Variants in CD80 observed in about 807,000 individuals in gnomAD.
CD80 encodes the protein T-lymphocyte activation antigen CD80.
CD80 carries 13 observed loss-of-function variants against 27.1 expected under a neutral mutation model. The ratio of observed to expected loss-of-function variants is 0.48; its 90% CI spans 0.31 to 0.76. CD80 has a LOEUF of 0.76. Ranked by LOEUF, CD80 falls within the 30% of genes least tolerant of loss-of-function variation. CD80 has a pLI of 0.04. For missense variants in CD80, 277 were observed against 347.9 expected, an observed-to-expected ratio of 0.80 and a Z score of 1.62; for synonymous variants, 125 against 125.5, an observed-to-expected ratio of 1.00 and a Z score of 0.03.
chr3:119,536,711 A>G (rs1209255101), intron 4 of CD80, among the ~76,000 whole-genome samples: 1 of 152,266 alleles, frequency 6.6e-6, no homozygotes, highest in African/African-American at 2.4e-5. Context: ...CACTATCAAA[A>G]TAAATACGAC....
intron 3 of CD80, among the ~76,000 whole-genome samples, chr3:119,538,371 A>G (rs1354045486): frequency 1.3e-5 from 2 of 151,706 alleles, no homozygotes; most frequent in Admixed American, 6.6e-5. Flanking sequence ...TTATCTATTT[A>G]TTTACTAAAC....
At chr3:119,528,676 C>A (rs1249471902) in intron 5 of CD80, among the ~76,000 whole-genome samples, 3 of 152,092 alleles carry the variant, frequency 2.0e-5, no homozygotes, top group Non-Finnish European at 4.4e-5. Context: ...GAAGTCCCAG[C>A]ACTTTGGGAA....
At chr3:119,549,672 A>T (rs1260011779) in intron 2 of CD80, among the ~76,000 whole-genome samples, 1 of 152,214 alleles carries the variant, frequency 6.6e-6, no homozygotes, top group Non-Finnish European at 1.5e-5. Context: ...GCACTGAACA[A>T]GAGAGTTTTG....
intron 4 of CD80, among the ~76,000 whole-genome samples, chr3:119,536,252 A>G (rs1050761585): frequency 2.0e-5 from 3 of 152,186 alleles, no homozygotes; most frequent in Admixed American, 1.3e-4. Context: ...CACTGTCTCA[A>G]AAAAATAAAT....
Position 119,545,872 on chromosome 3 carries a change from A to G in CD80, c.101-1005T>C, listed in dbSNP as rs145801950. On this transcript the variant is annotated intron_variant, in intron 2 of 6. Transcript: ENST00000264246. The stretch of plus-strand genomic sequence containing the variant: ...AAGACCCTGCTTTCAATTCTTATGG[A>G]TATATGGAATTTTGGGGTCATATGG... Among the ~76,000 whole-genome samples the G allele has an allele frequency of 5.9e-5, 9 of 152,184 alleles. No homozygotes were observed. In the East Asian group the frequency reaches 1.7e-3, roughly 29 times the overall value.
intron 6 of CD80, among the ~76,000 whole-genome samples, chr3:119,526,163 G>T (rs1228675438): frequency 2.6e-5 from 4 of 152,040 alleles, no homozygotes; most frequent in African/African-American, 9.7e-5. Flanking sequence ...TCTCAGGCAT[G>T]GTTGCTTTTC....
At chr3:119,541,063 G>T (rs1168700778) in intron 3 of CD80, among the ~76,000 whole-genome samples, 2 of 149,436 alleles carry the variant, frequency 1.3e-5, no homozygotes, top group African/African-American at 5.0e-5. Flanking sequence ...AAAAAAAAAA[G>T]TTTCAAAATC....
chr3:119,546,773 G>A (rs1278577851), intron 2 of CD80, among the ~76,000 whole-genome samples: 1 of 151,292 alleles, frequency 6.6e-6, no homozygotes, highest in Non-Finnish European at 1.5e-5. Flanking sequence ...TTTCCCTTGC[G>A]TTTCTCCTAC....
chr3:119,543,786 T>G (rs917799577), intron 3 of CD80, among the ~76,000 whole-genome samples: 3 of 151,958 alleles, frequency 2.0e-5, no homozygotes, highest in Non-Finnish European at 2.9e-5. Context: ...AAATATGCAA[T>G]AAGTAAATTA....
chr3:119,529,983 G>T, intron 4 of CD80, 46 bp from the exon 5 acceptor site: 3 of 1,320,866 alleles, frequency 2.3e-6, no homozygotes, highest in Non-Finnish European at 3.3e-6. Flanking sequence ...ATTTCCTACT[G>T]CCTGATACTC....
chr3:119,549,457 C>A (rs555001280), intron 2 of CD80, among the ~76,000 whole-genome samples: 1 of 152,300 alleles, frequency 6.6e-6, no homozygotes, highest in East Asian at 1.9e-4. Flanking sequence ...AAGGCCCCAG[C>A]GCCCCCTGCC....
intron 2 of CD80, among the ~76,000 whole-genome samples, chr3:119,545,745 C>A (rs530828706): frequency 6.6e-6 from 1 of 151,908 alleles, no homozygotes; most frequent in Non-Finnish European, 1.5e-5. Context: ...CACACCCCCC[C>A]CCACATTTTG....
intron 2 of CD80, among the ~76,000 whole-genome samples, chr3:119,545,929 A>G (rs1340842016): frequency 6.6e-6 from 1 of 152,254 alleles, no homozygotes; most frequent in African/African-American, 2.4e-5. Flanking sequence ...GAGGAACCTC[A>G]ATAGTGTTTT....
At chr3:119,534,808 G>A (rs1369238021) in intron 4 of CD80, among the ~76,000 whole-genome samples, 2 of 152,120 alleles carry the variant, frequency 1.3e-5, no homozygotes, top group Non-Finnish European at 2.9e-5. Context: ...GACTGAGACT[G>A]GTAAGTTTGG....
At chr3:119,533,237 C>T (rs548088776) in intron 4 of CD80, among the ~76,000 whole-genome samples, 3 of 152,168 alleles carry the variant, frequency 2.0e-5, no homozygotes, top group Admixed American at 6.5e-5. Context: ...AGGGGCAGAC[C>T]CAGAATCCAA....
At chr3:119,553,643 T>C (rs1351242633) in intron 2 of CD80, among the ~76,000 whole-genome samples, 1 of 151,994 alleles carries the variant, frequency 6.6e-6, no homozygotes, top group Non-Finnish European at 1.5e-5. Context: ...CTCGCAGGGG[T>C]CTGGGAGCTG....
chr3:119,553,576 C>T (rs1337705030), intron 2 of CD80, among the ~76,000 whole-genome samples: 1 of 152,196 alleles, frequency 6.6e-6, no homozygotes, highest in Non-Finnish European at 1.5e-5. Context: ...ATGCAGTGGC[C>T]AGTCTGCAGT....
At chr3:119,556,587 G>A (rs1329499423) in intron 2 of CD80, among the ~76,000 whole-genome samples, 1 of 152,146 alleles carries the variant, frequency 6.6e-6, no homozygotes. Context: ...ATGTAAAATA[G>A]CTCTGGACAG....
chr3:119,537,152 A>G lies in CD80; in HGVS notation c.685T>C (p.Phe229Leu), dbSNP rs1360024916. Reference sequence around the variant, plus strand: ...TGTCACTTACTTGTATTCCAGTTGAAGGTCTGATTCACTCTTAAATGTCCA... The same window carrying G: ...TGTCACTTACTTGTATTCCAGTTGAGGGTCTGATTCACTCTTAAATGTCCA... ...KYGHLRVNQT[F>L]NWNTTKQEHF... Residue 229 changes from phenylalanine (F) to leucine (L), a missense_variant, in exon 4 of 7, where the codon TTC becomes CTC. By Grantham distance (22) the Phe-to-Leu change is conservative (BLOSUM62 0). Coordinates refer to ENST00000264246, the MANE Select transcript of CD80 (RefSeq NM_005191.4). 6.2e-7 allele frequency: 1 copy of G among 1,612,550 alleles called. No homozygotes were observed. The highest frequency in any genetic ancestry group is 8.5e-7 in the Non-Finnish European group (1 of 1,178,620).
Sources: allele counts gnomAD v4.1 joint callset (sites outside exome capture counted in the v4.1 genomes callset), GRCh38; gene constraint gnomAD v4.1.1; transcripts MANE v1.5; gene names NCBI Gene and HGNC (gene_info 2026-07-23, HGNC 2026-07-21).